The following MYH10 variants were observed in gnomAD, a reference collection of about 807,000 sequenced individuals.
MYH10 encodes the protein myosin heavy chain 10, also known as myosin-10.
A neutral mutation model predicts 257.8 loss-of-function variants in MYH10; 55 were observed. That is an observed-to-expected ratio of 0.21 (90% CI 0.17 to 0.27). MYH10 has a LOEUF of 0.27. Ranked by LOEUF, MYH10 falls within the 10% of genes least tolerant of loss-of-function variation. MYH10 has a pLI of 1.00. For missense variants in MYH10, 1,631 were observed against 2,500.6 expected (o/e 0.65, Z 7.42); for synonymous variants, 854 against 921.7 (o/e 0.93, Z 1.33).
At chr17:8,502,345 A>G (rs569248662) in intron 28 of MYH10, among the ~76,000 whole-genome samples, 2 of 152,318 alleles carry the variant, frequency 1.3e-5, no homozygotes, top group South Asian at 2.1e-4. Flanking sequence ...CTCAGCCCCA[A>G]GTTCCACTGG....
intron 7 of MYH10, among the ~76,000 whole-genome samples, chr17:8,567,016 G>C (rs1450210595): frequency 6.6e-6 from 1 of 152,160 alleles, no homozygotes; most frequent in South Asian, 2.1e-4. Flanking sequence ...TTAGTAACTT[G>C]ATTTCTGTGG....
chr17:8,524,632 C>T (rs2081779632), intron 17 of MYH10, among the ~76,000 whole-genome samples: 1 of 152,022 alleles, frequency 6.6e-6, no homozygotes, highest in East Asian at 1.9e-4. Context: ...TGTCATCGAT[C>T]CACCCTCCTC....
intron 14 of MYH10, among the ~76,000 whole-genome samples, chr17:8,536,761 T>G (rs1208159056): frequency 6.8e-6 from 1 of 147,382 alleles, no homozygotes; most frequent in East Asian, 2.0e-4. Flanking sequence ...ATGGTGCCAT[T>G]GCACTCCAGC....
intron 7 of MYH10, among the ~76,000 whole-genome samples, chr17:8,556,705 C>G (rs144690337): frequency 1.3e-5 from 2 of 152,162 alleles, no homozygotes; most frequent in African/African-American, 2.4e-5. Flanking sequence ...CACTACACTA[C>G]GTACACATTT....
intron 36 of MYH10, among the ~76,000 whole-genome samples, chr17:8,485,079 G>T (rs886860126): frequency 6.6e-6 from 1 of 152,144 alleles, no homozygotes; most frequent in South Asian, 2.1e-4. Flanking sequence ...GACACTGAAA[G>T]AATTAGAACT....
Position 8,492,312 on chromosome 17 carries a change from ATCT to A in MYH10, c.4653_4655del (p.Lys1551_Asp1552delinsAsn). The stretch of plus-strand genomic sequence containing the variant: ...GGCGACTTACGTTTTTTCCCACATC[ATCT>A]TTGGAGCTCATGAGGTCTTCCATGT... On this transcript the variant is annotated inframe_deletion, in exon 34 of 43. Coordinates refer to ENST00000360416, the MANE Select transcript of MYH10 (RefSeq NM_001256012.3). The A allele has an allele frequency of 6.2e-7, 1 of 1,612,778 alleles. No homozygotes were observed. The highest frequency in any genetic ancestry group is 8.5e-7 in the Non-Finnish European group (1 of 1,179,900).
chr17:8,605,094 T>C, intron 2 of MYH10, 112 bp from the exon 3 acceptor site: 1 of 549,984 alleles, frequency 1.8e-6, no homozygotes, highest in Non-Finnish European at 2.9e-6. Context: ...TCTTTACCTT[T>C]TGGATAATTA....
At chr17:8,561,436 A>G (rs886594156) in intron 7 of MYH10, 20 of 1,114,744 alleles carry the variant, frequency 1.8e-5, no homozygotes, top group Non-Finnish European at 2.7e-5. Flanking sequence ...GCTGTGTGTG[A>G]AGCTACATTA....
intron 3 of MYH10, among the ~76,000 whole-genome samples, chr17:8,590,251 C>T (rs6503131): frequency 0.97 from 147,850 of 152,304 alleles, 71,930 homozygotes; most frequent in Middle Eastern, 1. Context: ...CATTCATATA[C>T]TCTATGTATA....
intron 4 of MYH10, among the ~76,000 whole-genome samples, chr17:8,582,527 T>C (rs968976335): frequency 2.0e-5 from 3 of 152,026 alleles, no homozygotes; most frequent in African/African-American, 7.2e-5. Flanking sequence ...TCAAAGAGAG[T>C]GGTAGAAGTA....
intron 38 of MYH10, among the ~76,000 whole-genome samples, chr17:8,480,843 C>A (rs368070164): frequency 2.2e-5 from 3 of 135,374 alleles, no homozygotes; most frequent in African/African-American, 8.2e-5. Context: ...AACGCAAGCA[C>A]GACCCCAGCC....
intron 17 of MYH10, among the ~76,000 whole-genome samples, chr17:8,522,902 A>C (rs1221155638): frequency 3.9e-5 from 6 of 152,092 alleles, no homozygotes; most frequent in African/African-American, 1.4e-4. Flanking sequence ...ACCATTGTAA[A>C]AACTCTCCAC....
chr17:8,500,613 ATGCACTTGCATC>A (rs56288805), intron 29 of MYH10, among the ~76,000 whole-genome samples: 76,910 of 151,872 alleles, frequency 0.51, 20,336 homozygotes, highest in Middle Eastern at 0.61. Context: ...GGCTGGATCC[ATGCACTTGCATC>A]TGGCTTTTCT....
chr17:8,598,538 T>C (rs1197575739), intron 3 of MYH10, among the ~76,000 whole-genome samples: 1 of 152,202 alleles, frequency 6.6e-6, no homozygotes, highest in Non-Finnish European at 1.5e-5. Context: ...AAAAAAGCAA[T>C]GTACAGCTCA....
chr17:8,499,456 C>G lies in MYH10; in HGVS notation c.3765G>C (p.Lys1255Asn), dbSNP rs1450464613. 1.2e-6 allele frequency: 2 copies of G among 1,614,062 alleles called. No homozygotes were observed. Among genetic ancestry groups the G allele is most frequent in the African/African-American group, 1.3e-5 (1 of 74,922 alleles). ...QAKRFKANLE[K>N]NKQGLETDNK... ...TATCTGTCTCCAGGCCCTGCTTGTT[C>G]TTCTCTAGATTTGCTTTGAACTAGG... Residue 1255 changes from lysine to asparagine, a missense_variant, in exon 30 of 43, where the codon AAG (lysine) becomes AAC (asparagine). Lys to Asn is a moderately conservative substitution (Grantham distance 94). Around this residue, in one of 11 missense-constraint regions of MYH10, gnomAD observed 463 missense variants for 621.8 expected, o/e 0.74. Coordinates refer to ENST00000360416, the MANE Select transcript of MYH10 (RefSeq NM_001256012.3).
At position 8,618,278 on chromosome 17, in the gene MYH10, C is replaced by T. The variant is rs1410834091; in HGVS notation, c.345+4624G>A. On this transcript the variant is annotated intron_variant, in intron 2 of 42. Coordinates refer to ENST00000360416, the MANE Select transcript of MYH10 (RefSeq NM_001256012.3). ...TTTTTTTTTTTTTGAGATGGAGTTT[C>T]GCTCTTGTTGCCCAGGCTGGAGGGC... Among the ~76,000 whole-genome samples, 30 of 138,862 alleles carry T rather than the reference C, an allele frequency of 2.2e-4. 2 individuals are homozygous for T. Among genetic ancestry groups the T allele is most frequent in the South Asian group, 2.2e-4 (1 of 4,608 alleles). The allele number at this position is 138,862 out of a possible 152,430, so 91.1% of individuals were successfully genotyped here. A position where few individuals can be genotyped will look rare whatever the true frequency, so the allele number is the denominator to read the frequency against.
chr17:8,475,222 T>C lies in MYH10; in HGVS notation c.*582A>G, dbSNP rs1184707920. ...GATGGACATGGTAACCCCAAATGGG[T>C]GTTGCTTCCGATCCAGCCCACCCCT... is the stretch of plus-strand genomic sequence containing the variant. On this transcript the variant is annotated 3_prime_UTR_variant, in exon 43 of 43. Transcript: ENST00000360416. 6.5e-6 allele frequency: 1 copy of C among 152,858 alleles called. No homozygotes were observed. The highest frequency in any genetic ancestry group is 1.5e-5 in the Non-Finnish European group (1 of 68,582). 9.5% of individuals were successfully genotyped at this position (152,858 alleles called of 1,614,324 possible).
At chr17:8,522,964 C>T (rs1262564318) in intron 17 of MYH10, among the ~76,000 whole-genome samples, 2 of 152,212 alleles carry the variant, frequency 1.3e-5, no homozygotes, top group Non-Finnish European at 2.9e-5. Context: ...TTCCCCCTCA[C>T]TACTTCAGTC....
intron 10 of MYH10, 101 bp downstream of exon 10, chr17:8,548,543 A>C: frequency 6.8e-7 from 1 of 1,468,570 alleles, no homozygotes; most frequent in Non-Finnish European, 9.2e-7. Flanking sequence ...GATTTCATAC[A>C]ATTCATTAGT....
Sources: gnomAD v4.1 joint callset for allele counts (sites outside exome capture counted in the v4.1 genomes callset) on GRCh38, gnomAD v4.1.1 for gene constraint, gnomAD v4.1.1 regional missense constraint, MANE v1.5 for transcripts, NCBI Gene and HGNC (gene_info 2026-07-23, HGNC 2026-07-21) for gene names.